Variants in ATP9B observed in about 807,000 individuals in gnomAD.
ATP9B encodes the protein probable phospholipid-transporting ATPase IIB.
Under a neutral mutation model 146.1 loss-of-function variants are expected in ATP9B, and 110 were observed. The ratio of observed to expected loss-of-function variants is 0.75; its 90% CI spans 0.65 to 0.88. The LOEUF is 0.88. ATP9B is among the 40% of genes least tolerant of loss of function. The pLI is 0.00. For synonymous variants in ATP9B, 604 were observed against 569.7 expected (o/e 1.06, Z -0.86); for missense variants, 1,499 against 1,496.4 (o/e 1.00, Z -0.03).
intron 14 of ATP9B, among the ~76,000 whole-genome samples, chr18:79,306,768 G>C (rs1176539847): frequency 6.6e-6 from 1 of 152,024 alleles, no homozygotes; most frequent in East Asian, 1.9e-4. Context: ...TGAATATTTT[G>C]GTGTATTTGA....
intron 2 of ATP9B, among the ~76,000 whole-genome samples, chr18:79,103,658 C>T (rs924148761): frequency 1.3e-5 from 2 of 151,908 alleles, no homozygotes; most frequent in Non-Finnish European, 2.9e-5. Context: ...AGGATTCAGA[C>T]GAGGGCTGAA....
At chr18:79,294,916 G>A (rs1244103017) in intron 13 of ATP9B, among the ~76,000 whole-genome samples, 1 of 152,196 alleles carries the variant, frequency 6.6e-6, no homozygotes, top group Non-Finnish European at 1.5e-5. Flanking sequence ...CTGTCTTCTT[G>A]AGGTAATTTA....
At chr18:79,366,774 C>T (rs2097032171) in intron 26 of ATP9B, among the ~76,000 whole-genome samples, 1 of 152,172 alleles carries the variant, frequency 6.6e-6, no homozygotes, top group Non-Finnish European at 1.5e-5. Context: ...CACGCAGAGC[C>T]CTAGAGAAGG....
intron 5 of ATP9B, among the ~76,000 whole-genome samples, chr18:79,133,984 A>G (rs1264240955): frequency 6.6e-6 from 1 of 152,234 alleles, no homozygotes; most frequent in Non-Finnish European, 1.5e-5. Flanking sequence ...CCTTTGCGGT[A>G]GCACTCTCCT....
At chr18:79,221,435 T>C (rs1160198160) in intron 11 of ATP9B, among the ~76,000 whole-genome samples, 2 of 152,200 alleles carry the variant, frequency 1.3e-5, no homozygotes, top group African/African-American at 2.4e-5. Flanking sequence ...CTTTCAAAAC[T>C]ATCAGGCTGG....
chr18:79,070,800 G>A (rs907013398), intron 1 of ATP9B, among the ~76,000 whole-genome samples: 1 of 151,706 alleles, frequency 6.6e-6, no homozygotes, highest in African/African-American at 2.4e-5. Context: ...ATCTTTATTA[G>A]ATATTGATGT....
intron 20 of ATP9B, among the ~76,000 whole-genome samples, chr18:79,343,225 C>G (rs954192717): frequency 6.6e-6 from 1 of 152,154 alleles, no homozygotes; most frequent in African/African-American, 2.4e-5. Context: ...GATAAAACTT[C>G]AGATCAATTT....
At chr18:79,327,350 G>A (rs975238447) in intron 15 of ATP9B, among the ~76,000 whole-genome samples, 19 of 152,226 alleles carry the variant, frequency 1.2e-4, no homozygotes, top group African/African-American at 4.1e-4. Flanking sequence ...CGGCAGGCCT[G>A]CAGAACAGAG....
At chr18:79,155,657 G>A (rs1412105448) in intron 7 of ATP9B, among the ~76,000 whole-genome samples, 2 of 150,158 alleles carry the variant, frequency 1.3e-5, no homozygotes, top group Non-Finnish European at 3.0e-5. Context: ...AGAAAGGACT[G>A]TTAGATTTCA....
chr18:79,284,359 G>A (rs2096411866), intron 13 of ATP9B, among the ~76,000 whole-genome samples: 2 of 152,094 alleles, frequency 1.3e-5, no homozygotes, highest in Non-Finnish European at 2.9e-5. Context: ...GGGTGTTTGG[G>A]CCAGTTGAGA....
chr18:79,306,345 G>A (rs531328089), intron 14 of ATP9B, among the ~76,000 whole-genome samples: 1 of 152,322 alleles, frequency 6.6e-6, no homozygotes, highest in East Asian at 1.9e-4. Flanking sequence ...TCTGAAACAT[G>A]GCTGAGCCCG....
At chr18:79,359,943 G>T (rs2096977798) in intron 26 of ATP9B, 1 of 174,616 alleles carries the variant, frequency 5.7e-6, no homozygotes, top group Non-Finnish European at 1.2e-5. Context: ...AATTATCCCT[G>T]AAAAGTGATA....
intron 15 of ATP9B, among the ~76,000 whole-genome samples, chr18:79,326,375 C>A (rs78350447): frequency 0.036 from 1,976 of 55,054 alleles, 7 homozygotes; most frequent in East Asian, 0.051. Flanking sequence ...ATCTCTGTAC[C>A]CTCCCTCCCC....
At chr18:79,073,502 C>A (rs2072215551) in intron 1 of ATP9B, among the ~76,000 whole-genome samples, 1 of 152,200 alleles carries the variant, frequency 6.6e-6, no homozygotes, top group Admixed American at 6.5e-5. Context: ...GCGGCGCGCG[C>A]CTGCAATCCC....
At chr18:79,231,153 A>G (rs901730588) in intron 11 of ATP9B, among the ~76,000 whole-genome samples, 4 of 152,236 alleles carry the variant, frequency 2.6e-5, no homozygotes, top group African/African-American at 9.6e-5. Flanking sequence ...GATAGACGCG[A>G]CATAAACTAA....
intron 11 of ATP9B, among the ~76,000 whole-genome samples, chr18:79,242,894 A>G (rs1287107507): frequency 2.0e-5 from 3 of 152,234 alleles, no homozygotes; most frequent in African/African-American, 2.4e-5. Flanking sequence ...TTAATAATAA[A>G]AGGGTGATTA....
rs371584458 is a variant in ATP9B at position 79,125,995 on chromosome 18, C to A, written c.559-272C>A. On this transcript the variant is annotated intron_variant, in intron 4 of 29. Coordinates refer to ENST00000426216, the MANE Select transcript of ATP9B (RefSeq NM_198531.5). The stretch of plus-strand genomic sequence containing the variant: ...TATTGAAGATTGTTAATTTCTTTTT[C>A]TTTGGGTTACTAGGTATTTTCTGAC... Among the ~76,000 whole-genome samples, 12 of 152,036 alleles carry A rather than the reference C, an allele frequency of 7.9e-5. No individual in the cohort carries two copies. In the East Asian group the frequency reaches 1.9e-3, roughly 24 times the overall value.
At chr18:79,258,774 A>C (rs890336983) in intron 12 of ATP9B, among the ~76,000 whole-genome samples, 2 of 152,134 alleles carry the variant, frequency 1.3e-5, no homozygotes, top group Non-Finnish European at 2.9e-5. Flanking sequence ...TCTCACACCC[A>C]CTTCAACACA....
At chr18:79,081,536 A>G (rs545027672) in intron 1 of ATP9B, among the ~76,000 whole-genome samples, 1 of 151,266 alleles carries the variant, frequency 6.6e-6, no homozygotes, top group East Asian at 2.0e-4. Context: ...TGGTCTATCT[A>G]TTCAGCTAAT....
Sources: gnomAD v4.1 joint callset for allele counts (sites outside exome capture counted in the v4.1 genomes callset) on GRCh38, gnomAD v4.1.1 for gene constraint, MANE v1.5 for transcripts, NCBI Gene and HGNC (gene_info 2026-07-23, HGNC 2026-07-21) for gene names.